ERGIC1: variants seen among roughly 807,000 people sequenced by gnomAD.
ERGIC1 encodes endoplasmic reticulum-golgi intermediate compartment 1, also known as endoplasmic reticulum-Golgi intermediate compartment protein 1.
Under a neutral mutation model 38.3 loss-of-function variants are expected in ERGIC1, and 19 were observed. That is an observed-to-expected ratio of 0.50 (90% CI 0.35 to 0.73). The LOEUF is 0.73. ERGIC1 is among the 30% of genes least tolerant of loss of function. ERGIC1 has a pLI of 0.01. For missense variants in ERGIC1, 294 were observed against 389.2 expected (o/e 0.76, Z 2.06); for synonymous variants, 124 against 157.6 (o/e 0.79, Z 1.60).
intron 9 of ERGIC1, among the ~76,000 whole-genome samples, chr5:172,940,367 G>T (rs1009460282): frequency 2.6e-5 from 4 of 152,154 alleles, no homozygotes; most frequent in Non-Finnish European, 4.4e-5. Context: ...AGCGCCAAGG[G>T]AATAAACAGA....
chr5:172,862,060 C>T (rs911378148), intron 1 of ERGIC1, among the ~76,000 whole-genome samples: 2 of 151,596 alleles, frequency 1.3e-5, no homozygotes, highest in East Asian at 1.9e-4. Flanking sequence ...GGCATGATCT[C>T]GGCTCGCTGC....
chr5:172,838,309 A>ACGG (rs1478099990), intron 1 of ERGIC1, among the ~76,000 whole-genome samples: 1 of 152,230 alleles, frequency 6.6e-6, no homozygotes, highest in South Asian at 2.1e-4. Flanking sequence ...GAATTTCAGG[A>ACGG]CGGCAGCAGC....
intron 1 of ERGIC1, among the ~76,000 whole-genome samples, chr5:172,865,148 G>C (rs1761822101): frequency 7.0e-6 from 1 of 143,438 alleles, no homozygotes; most frequent in Non-Finnish European, 1.5e-5. Flanking sequence ...TCTACTTTCT[G>C]GGTTCAAGCA....
chr5:172,849,713 AC>A (rs1016348066), intron 1 of ERGIC1, among the ~76,000 whole-genome samples: 2 of 152,036 alleles, frequency 1.3e-5, no homozygotes, highest in African/African-American at 4.8e-5. Context: ...GTCCTCACAT[AC>A]CCCCAATGAC....
intron 3 of ERGIC1, among the ~76,000 whole-genome samples, chr5:172,901,961 C>T (rs912494065): frequency 1.3e-5 from 2 of 152,240 alleles, no homozygotes; most frequent in African/African-American, 4.8e-5. Context: ...GCAACTACTA[C>T]TGTTCACCCC....
chr5:172,886,484 T>C (rs1237505358), intron 1 of ERGIC1, among the ~76,000 whole-genome samples: 1 of 152,150 alleles, frequency 6.6e-6, no homozygotes, highest in African/African-American at 2.4e-5. Context: ...TTCCCTTTCT[T>C]TGCCTCTACC....
In ERGIC1 at chr5:172,834,977, C is replaced by T. The variant is rs1269373793; in HGVS notation, c.20+544C>T. ...CCGCCCCTCCCTCCCTCAGCCCCAG[C>T]CCTGTCCGCTGGGTATGGGGGCACC... On this transcript the variant is annotated intron_variant, in intron 1 of 9. Coordinates refer to ENST00000393784, the MANE Select transcript of ERGIC1 (RefSeq NM_001031711.3). The surrounding 1 kb of genome is among the most constrained non-coding windows in gnomAD (Gnocchi z 4.1). Among the ~76,000 whole-genome samples the T allele has an allele frequency of 6.6e-6, 1 of 152,260 alleles. No individual in the cohort carries two copies. Among genetic ancestry groups the T allele is most frequent in the Non-Finnish European group, 1.5e-5 (1 of 68,044 alleles).
chr5:172,899,712 G>A (rs1029686804), intron 3 of ERGIC1, among the ~76,000 whole-genome samples: 1 of 152,116 alleles, frequency 6.6e-6, no homozygotes, highest in African/African-American at 2.4e-5. Context: ...AGCTGAAAAC[G>A]CCAGTGGTAG....
At chr5:172,914,087 A>C (rs935131042) in intron 4 of ERGIC1, among the ~76,000 whole-genome samples, 1 of 151,792 alleles carries the variant, frequency 6.6e-6, no homozygotes, top group Non-Finnish European at 1.5e-5. Context: ...ATACAAAAAA[A>C]ATTTTTTTGT....
At chr5:172,870,242 G>A (rs1215388925) in intron 1 of ERGIC1, among the ~76,000 whole-genome samples, 1 of 151,996 alleles carries the variant, frequency 6.6e-6, no homozygotes, top group Non-Finnish European at 1.5e-5. Flanking sequence ...TTTTTTAATT[G>A]GTGATTTTAC....
chr5:172,899,660 T>C (rs888715048), intron 3 of ERGIC1, among the ~76,000 whole-genome samples: 1 of 152,110 alleles, frequency 6.6e-6, no homozygotes, highest in Non-Finnish European at 1.5e-5. Flanking sequence ...AGCCCAGGGC[T>C]GGACCTGCAC....
At chr5:172,898,180 T>C (rs1762772740) in intron 3 of ERGIC1, 2 of 305,164 alleles carry the variant, frequency 6.6e-6, no homozygotes, top group Non-Finnish European at 1.2e-5. Flanking sequence ...TTTCTTGGTT[T>C]CCTTTGCCTC....
intron 2 of ERGIC1, among the ~76,000 whole-genome samples, chr5:172,893,935 G>GTGTGTA (rs1429850022): frequency 1.0e-3 from 43 of 42,810 alleles, no homozygotes; most frequent in East Asian, 4.0e-3. Flanking sequence ...GTGTGTGTGT[G>GTGTGTA]TATATATATA....
chr5:172,909,121 G>C (rs1763137403), intron 3 of ERGIC1, among the ~76,000 whole-genome samples: 1 of 143,566 alleles, frequency 7.0e-6, no homozygotes, highest in African/African-American at 2.6e-5. Flanking sequence ...TTACCACCGT[G>C]CTATCTGACC....
intron 1 of ERGIC1, among the ~76,000 whole-genome samples, chr5:172,853,825 G>T (rs1234193427): frequency 6.6e-6 from 1 of 152,234 alleles, no homozygotes; most frequent in Non-Finnish European, 1.5e-5. Context: ...GAGCTGGAGA[G>T]AGTGGTGCCC....
In ERGIC1 at chr5:172,926,613, A is replaced by C. The variant is rs1204015743; in HGVS notation, c.541+44A>C. 1 of 1,603,864 alleles carries C rather than the reference A, an allele frequency of 6.2e-7. No individual in the cohort carries two copies. Among genetic ancestry groups the C allele is most frequent in the African/African-American group, 1.3e-5 (1 of 74,932 alleles). Reference sequence around the variant, plus strand: ...AACAGCCTTCTGCTCCAAGATGCCCAGTACAGCAGGCAGGGAGGGGGAGGG... The same window carrying C: ...AACAGCCTTCTGCTCCAAGATGCCCCGTACAGCAGGCAGGGAGGGGGAGGG... On this transcript the variant is annotated intron_variant, in intron 7 of 9. Coordinates refer to ENST00000393784, the MANE Select transcript of ERGIC1 (RefSeq NM_001031711.3). This position sits in a 1 kb window ranked among gnomAD's most constrained non-coding sequence, Gnocchi z 5.2.
intron 9 of ERGIC1, among the ~76,000 whole-genome samples, chr5:172,942,981 T>C (rs1405636224): frequency 6.6e-6 from 1 of 152,192 alleles, no homozygotes; most frequent in Non-Finnish European, 1.5e-5. Context: ...GTCTTCCGGC[T>C]GGGAATGAGG....
At chr5:172,845,128 C>G (rs1761256100) in intron 1 of ERGIC1, among the ~76,000 whole-genome samples, 1 of 152,154 alleles carries the variant, frequency 6.6e-6, no homozygotes, top group Admixed American at 6.5e-5. Context: ...CCAAAGCTGG[C>G]TTTCTTAGCC....
In ERGIC1 at chr5:172,950,876, C is replaced by G; in HGVS notation, c.*60C>G. ...CATCGCCAGCCTTGCCTCCAGTGCC[C>G]TGTCTCCTTTGGCCCTCAATCTGGT... On this transcript the variant is annotated 3_prime_UTR_variant, in exon 10 of 10. Coordinates refer to ENST00000393784, the MANE Select transcript of ERGIC1 (RefSeq NM_001031711.3). The G allele has an allele frequency of 6.8e-7, 1 of 1,476,562 alleles. No homozygotes were observed. The allele number at this position is 1,476,562 out of a possible 1,614,324, so 91.5% of individuals were successfully genotyped here. A position where few individuals can be genotyped will look rare whatever the true frequency, so the allele number is the denominator to read the frequency against.
Sources: gnomAD v4.1 joint callset for allele counts (sites outside exome capture counted in the v4.1 genomes callset) on GRCh38, gnomAD v4.1.1 for gene constraint, Gnocchi (gnomAD v3.1) non-coding constraint, MANE v1.5 for transcripts, NCBI Gene and HGNC (gene_info 2026-07-23, HGNC 2026-07-21) for gene names.